Variants in PEX3 observed in about 807,000 individuals in gnomAD.
PEX3 encodes peroxin-3.
A neutral mutation model predicts 55.8 loss-of-function variants in PEX3; 30 were observed. That is an observed-to-expected ratio of 0.54 (90% CI 0.40 to 0.73). PEX3 has a LOEUF of 0.73. PEX3 is among the 30% of genes least tolerant of loss of function. The probability of loss-of-function intolerance (pLI) is 0.00; values close to 1 mark genes in which losing one functional copy is unlikely to be tolerated. For synonymous variants in PEX3, 135 were observed against 148.4 expected (o/e 0.91, Z 0.66); for missense variants, 351 against 432.8 (o/e 0.81, Z 1.68).
At position 143,471,037 on chromosome 6, in the gene PEX3, T is replaced by C. The variant is rs765268758; in HGVS notation, c.408T>C (p.Ile136=). The change falls in exon 5 of 12, where the codon ATT becomes ATC. Residue 136 remains isoleucine (I), a synonymous_variant. Transcript: ENST00000367591. The surrounding 1 kb of genome is among the most constrained non-coding windows in gnomAD (Gnocchi z 5.4). ...VVLLRVQLNI[I]GGYIYLDNAA... is the part of the protein sequence containing the mutation. ...TTTTGCGGGTCCAGTTAAACATAAT[T>C]GGTGGATATATTTACCTGGATAATG... The C allele has an allele frequency of 3.1e-6, 5 of 1,612,978 alleles. No homozygotes were observed. Among genetic ancestry groups the C allele is most frequent in the Middle Eastern group, 1.7e-4 (1 of 6,056 alleles).
chr6:143,471,783 T>A lies in PEX3; in HGVS notation c.578+172T>A, dbSNP rs1436653031. Among the ~76,000 whole-genome samples the A allele has an allele frequency of 3.1e-5, 3 of 95,692 alleles. No homozygotes were observed. The highest frequency in any genetic ancestry group is 4.8e-5 in the Non-Finnish European group (2 of 41,256). 62.8% of individuals were successfully genotyped at this position (95,692 alleles called of 152,430 possible). A position where few individuals can be genotyped will look rare whatever the true frequency, so the allele number is the denominator to read the frequency against. ...ATTGTGGGATCCATTTTCTTTATCT[T>A]TTTTTTTATACAGAGGGGAAAGTTT... On this transcript the variant is annotated intron_variant, in intron 7 of 11. Transcript: ENST00000367591. The surrounding 1 kb of genome is among the most constrained non-coding windows in gnomAD (Gnocchi z 5.4).
Position 143,471,648 on chromosome 6 carries a change from T to C in PEX3, c.578+37T>C. 1.4e-6 allele frequency: 2 copies of C among 1,419,126 alleles called. No individual in the cohort carries two copies. Among genetic ancestry groups the C allele is most frequent in the Non-Finnish European group, 2.0e-6 (2 of 1,003,142 alleles). The allele number at this position is 1,419,126 out of a possible 1,614,324, so 87.9% of individuals were successfully genotyped here. On this transcript the variant is annotated intron_variant, in intron 7 of 11. Transcript: ENST00000367591. The surrounding 1 kb of genome is among the most constrained non-coding windows in gnomAD (Gnocchi z 5.4). ...TTCTTTGACTTTTCTGACTTCTTGA[T>C]TCTAATGAGTGAAAGAAAATTAGAA...
In PEX3 at chr6:143,487,501, A is replaced by T. The variant is rs1321487551; in HGVS notation, c.1039-1642A>T. ...CCAGTGTTTAAATCATTTTTAGTGT[A>T]TAAATTAAAAACTCAATAAGATCCT... On this transcript the variant is annotated intron_variant, in intron 11 of 11. Transcript: ENST00000367591. The surrounding 1 kb of genome is among the most constrained non-coding windows in gnomAD (Gnocchi z 5.3). Among the ~76,000 whole-genome samples the T allele has an allele frequency of 6.6e-6, 1 of 152,152 alleles. No individual in the cohort carries two copies. The highest frequency in any genetic ancestry group is 2.4e-5 in the African/African-American group (1 of 41,460).
intron 8 of PEX3, among the ~76,000 whole-genome samples, chr6:143,473,764 C>G (rs1373312464): frequency 6.6e-6 from 1 of 151,992 alleles, no homozygotes; most frequent in Non-Finnish European, 1.5e-5. Context: ...CCCAGCTACT[C>G]AGGAGGCTGA....
At position 143,485,031 on chromosome 6, in the gene PEX3, T is replaced by C. The variant is rs1780296203; in HGVS notation, c.942-121T>C. The C allele has an allele frequency of 1.4e-5, 10 of 711,688 alleles. No individual in the cohort carries two copies. The highest frequency in any genetic ancestry group is 2.0e-5 in the Non-Finnish European group (8 of 396,338). The allele number at this position is 711,688 out of a possible 1,614,324, so 44.1% of individuals were successfully genotyped here. The stretch of plus-strand genomic sequence containing the variant: ...TAAGCGATAGAATTGTGGGGTTTTT[T>C]TTCCTTTTTAATAGATTTCCAAAAA... On this transcript the variant is annotated intron_variant, in intron 10 of 11. Coordinates refer to ENST00000367591, the MANE Select transcript of PEX3 (RefSeq NM_003630.3). This position sits in a 1 kb window ranked among gnomAD's most constrained non-coding sequence, Gnocchi z 5.6.
rs1250967311 is a variant in PEX3, at chr6:143,485,079, A to G, written c.942-73A>G. ...AAATATTCTACAATGGCTATGTATT[A>G]CTTTTATAATTAAGATGTTAAAGTC... On this transcript the variant is annotated intron_variant, in intron 10 of 11. Coordinates refer to ENST00000367591, the MANE Select transcript of PEX3 (RefSeq NM_003630.3). The surrounding 1 kb of genome is among the most constrained non-coding windows in gnomAD (Gnocchi z 5.6). The G allele has an allele frequency of 1.7e-5, 14 of 839,548 alleles. No homozygotes were observed. Among genetic ancestry groups the G allele is most frequent in the Non-Finnish European group, 2.9e-5 (14 of 476,206 alleles). The allele number at this position is 839,548 out of a possible 1,614,324, so 52.0% of individuals were successfully genotyped here.
At chr6:143,456,860 C>T (rs1779851898) in intron 1 of PEX3, among the ~76,000 whole-genome samples, 1 of 152,196 alleles carries the variant, frequency 6.6e-6, no homozygotes, top group African/African-American at 2.4e-5. Context: ...GTAATGTTCA[C>T]ATTCTGATTT....
chr6:143,474,904 T>C (rs1458000760), intron 9 of PEX3, 48 bp downstream of exon 9: 1 of 950,396 alleles, frequency 1.1e-6, no homozygotes, highest in Non-Finnish European at 1.7e-6. Context: ...ATGTTGAATG[T>C]ACTTGAGACT....
rs966071051 is a variant in PEX3 at position 143,453,602 on chromosome 6, A to T, written c.73+2487A>T. The stretch of plus-strand genomic sequence containing the variant: ...CTGCAGCCTTGTTTTCTCCTTTGCT[A>T]GCTTTACAATGTAAGGCAAGTAGAA... On this transcript the variant is annotated intron_variant, in intron 1 of 11. Coordinates refer to ENST00000367591, the MANE Select transcript of PEX3 (RefSeq NM_003630.3). This position sits in a 1 kb window ranked among gnomAD's most constrained non-coding sequence, Gnocchi z 4.6. Among the ~76,000 whole-genome samples the T allele has an allele frequency of 2.0e-5, 3 of 152,060 alleles. No individual in the cohort carries two copies. Among genetic ancestry groups the T allele is most frequent in the Non-Finnish European group, 4.4e-5 (3 of 68,006 alleles).
chr6:143,474,828 C>T lies in PEX3; in HGVS notation c.790C>T (p.Leu264Phe). 1 of 1,589,314 alleles carries T rather than the reference C, an allele frequency of 6.3e-7. No individual in the cohort carries two copies. Among genetic ancestry groups the T allele is most frequent in the Non-Finnish European group, 8.6e-7 (1 of 1,157,704 alleles). The change falls in exon 9 of 12, where the codon CTC becomes TTC. Residue 264 changes from leucine (L) to phenylalanine (F), a missense_variant. Transcript: ENST00000367591. The part of the protein sequence containing the change: ...SPRDITTIKL[L>F]NETRDMLESP... ...TCGAGACATTACCACTATTAAACTT[C>T]TCAATGAAACTAGAGACATGTTGGA...
chr6:143,451,119 G>A lies in PEX3; in HGVS notation c.73+4G>A. On this transcript the variant is annotated splice_donor_region_variant and intron_variant, in intron 1 of 11. Coordinates refer to ENST00000367591, the MANE Select transcript of PEX3 (RefSeq NM_003630.3). The surrounding 1 kb of genome is among the most constrained non-coding windows in gnomAD (Gnocchi z 4.1). ...TTCCTGGGCACGGTCCTTGGAGGTG[G>A]GTGACAACGTGCTTGAAAGGGGGCA... is the stretch of plus-strand genomic sequence containing the variant. The A allele has an allele frequency of 6.2e-7, 1 of 1,607,128 alleles. No homozygotes were observed. Among genetic ancestry groups the A allele is most frequent in the Non-Finnish European group, 8.5e-7 (1 of 1,173,734 alleles).
intron 3 of PEX3, among the ~76,000 whole-genome samples, chr6:143,467,873 T>C (rs1330413648): frequency 6.6e-6 from 1 of 152,184 alleles, no homozygotes; most frequent in Non-Finnish European, 1.5e-5. Flanking sequence ...TCCTATATGA[T>C]TTTGTAATCT....
At position 143,489,149 on chromosome 6, in the gene PEX3, T is replaced by C; in HGVS notation, c.1045T>C (p.Leu349=). The C allele has an allele frequency of 6.3e-7, 1 of 1,599,574 alleles. No homozygotes were observed. The highest frequency in any genetic ancestry group is 8.6e-7 in the Non-Finnish European group (1 of 1,167,106). The change falls in exon 12 of 12, where the codon TTG becomes CTG. Residue 349 remains leucine, a synonymous_variant. Coordinates refer to ENST00000367591, the MANE Select transcript of PEX3 (RefSeq NM_003630.3). This position sits in a 1 kb window ranked among gnomAD's most constrained non-coding sequence, Gnocchi z 5.5. ...ATATTATCATCTTTGCTAGGATCTG[T>C]TGACAATGGAGCAAGTGAAAGACTT... ...ETPSHFVQDL[L]TMEQVKDFAA...
At chr6:143,480,618 A>C (rs1288927852) in intron 10 of PEX3, among the ~76,000 whole-genome samples, 1 of 152,204 alleles carries the variant, frequency 6.6e-6, no homozygotes, top group South Asian at 2.1e-4. Flanking sequence ...TTTCTGTTTC[A>C]TCTCAATAAC....
Position 143,458,343 on chromosome 6 carries a change from CT to C in PEX3, c.74-734del, listed in dbSNP as rs973792612. ...TAGGAGTTTCTGTACCCTCTTCCCT[CT>C]TTTTTTTCCAGTTAAGTTACTAATT... On this transcript the variant is annotated intron_variant, in intron 1 of 11. Coordinates refer to ENST00000367591, the MANE Select transcript of PEX3 (RefSeq NM_003630.3). The surrounding 1 kb of genome is among the most constrained non-coding windows in gnomAD (Gnocchi z 6.1). Among the ~76,000 whole-genome samples the C allele has an allele frequency of 6.6e-6, 1 of 152,004 alleles. No individual in the cohort carries two copies. The highest frequency in any genetic ancestry group is 1.5e-5 in the Non-Finnish European group (1 of 67,976).
At chr6:143,477,796 C>A (rs1780174788) in intron 9 of PEX3, among the ~76,000 whole-genome samples, 1 of 152,106 alleles carries the variant, frequency 6.6e-6, no homozygotes, top group Non-Finnish European at 1.5e-5. Context: ...CTATGATGAT[C>A]TTTTCTTCAG....
chr6:143,481,033 G>T (rs1227080169), intron 10 of PEX3, among the ~76,000 whole-genome samples: 1 of 149,474 alleles, frequency 6.7e-6, no homozygotes, highest in Non-Finnish European at 1.5e-5. Flanking sequence ...AAGAAGTAAG[G>T]TTTTTAACTA....
chr6:143,468,642 T>G (rs189621842), intron 4 of PEX3, among the ~76,000 whole-genome samples: 55 of 152,136 alleles, frequency 3.6e-4, no homozygotes, highest in Admixed American at 9.2e-4. Context: ...CTATTTGTTT[T>G]TTGTTGTTGT....
rs1020482078 is a variant in PEX3 at position 143,462,758 on chromosome 6, TATA to T, written c.206-143_206-141del. On this transcript the variant is annotated intron_variant, in intron 2 of 11. Coordinates refer to ENST00000367591, the MANE Select transcript of PEX3 (RefSeq NM_003630.3). The surrounding 1 kb of genome is among the most constrained non-coding windows in gnomAD (Gnocchi z 4.1). Reference sequence around the variant, plus strand: ...ATGATTTGTTAGGATATAATCGTTTTATAATAATAATAATAATTTGAATCGTCT... The same window carrying T: ...ATGATTTGTTAGGATATAATCGTTTTATAATAATAATAATTTGAATCGTCT... 4.6e-5 allele frequency among the ~76,000 whole-genome samples: 7 copies of T among 152,256 alleles called. No homozygotes were observed. The highest frequency in any genetic ancestry group is 1.4e-4 in the African/African-American group (6 of 41,564).
Sources: gnomAD v4.1 joint callset for allele counts (sites outside exome capture counted in the v4.1 genomes callset) on GRCh38, gnomAD v4.1.1 for gene constraint, Gnocchi (gnomAD v3.1) non-coding constraint, MANE v1.5 for transcripts, NCBI Gene and HGNC (gene_info 2026-07-23, HGNC 2026-07-21) for gene names.